Variants in INSYN2B observed in about 807,000 individuals in gnomAD.
INSYN2B encodes the protein inhibitory synaptic factor family member 2B, also known as protein INSYN2B.
INSYN2B carries 16 observed loss-of-function variants against 41.2 expected under a neutral mutation model. The observed-to-expected ratio is 0.39, with a 90% confidence interval of 0.26 to 0.59. INSYN2B has a LOEUF of 0.59. INSYN2B is among the 20% of genes least tolerant of loss of function. INSYN2B has a pLI of 0.57. For synonymous variants in INSYN2B, 245 were observed against 244.4 expected (o/e 1.00, Z -0.02); for missense variants, 608 against 646.4 (o/e 0.94, Z 0.64).
At chr5:169,951,176 G>A (rs1776649950) in intron 1 of INSYN2B, among the ~76,000 whole-genome samples, 1 of 152,198 alleles carries the variant, frequency 6.6e-6, no homozygotes, top group African/African-American at 2.4e-5. Context: ...GTCAGGGCAA[G>A]AGAAAAGGGG....
rs546181182 is a variant in INSYN2B, at chr5:169,872,240, G to A, written c.1422-7781C>T. Among the ~76,000 whole-genome samples the A allele has an allele frequency of 2.3e-3, 355 of 152,318 alleles. 6 individuals carry two copies. The highest frequency in any genetic ancestry group is 6.7e-3 in the African/African-American group (277 of 41,560). ...ACCTCCTGCAACTTTCTCTTTTAAAGAATTAGCTGTAAGAATCAATGGATG... is the reference window on the plus strand; with the variant it reads ...ACCTCCTGCAACTTTCTCTTTTAAAAAATTAGCTGTAAGAATCAATGGATG... On this transcript the variant is annotated intron_variant, in intron 3 of 3. Transcript: ENST00000377365.
At chr5:169,969,569 G>A (rs1777425740) in intron 1 of INSYN2B, among the ~76,000 whole-genome samples, 1 of 152,240 alleles carries the variant, frequency 6.6e-6, no homozygotes, top group Non-Finnish European at 1.5e-5. Flanking sequence ...GGAGAGTGGG[G>A]AGAATTCAGA....
chr5:169,911,469 G>A (rs1370962384), intron 1 of INSYN2B, among the ~76,000 whole-genome samples: 2 of 152,138 alleles, frequency 1.3e-5, no homozygotes, highest in African/African-American at 2.4e-5. Context: ...TCCAGACTGG[G>A]GATGTTTAAT....
chr5:169,904,091 CAAAAA>C (rs57983281), intron 1 of INSYN2B, among the ~76,000 whole-genome samples: 16 of 70,396 alleles, frequency 2.3e-4, no homozygotes, highest in Admixed American at 8.4e-4. Context: ...GACTTCGTCT[CAAAAA>C]AAAAAAAAAA....
chr5:169,966,040 G>C (rs1777284553), intron 1 of INSYN2B, among the ~76,000 whole-genome samples: 1 of 152,218 alleles, frequency 6.6e-6, no homozygotes, highest in Non-Finnish European at 1.5e-5. Context: ...GCCTTCCGAA[G>C]AGCAGGAAGT....
chr5:169,861,717 T>C lies in INSYN2B; in HGVS notation c.*2556A>G, dbSNP rs570394160. On this transcript the variant is annotated 3_prime_UTR_variant, in exon 4 of 4. Transcript: ENST00000377365. ...ATATGTGTGTGTGGTGTTTTAAACATAGAGACGACCATTTTTGTTCATCAG... is the reference window on the plus strand; with the variant it reads ...ATATGTGTGTGTGGTGTTTTAAACACAGAGACGACCATTTTTGTTCATCAG... Among the ~76,000 whole-genome samples the C allele has an allele frequency of 4.6e-5, 7 of 152,290 alleles. No individual in the cohort carries two copies. Among genetic ancestry groups the C allele is most frequent in the Admixed American group, 3.9e-4 (6 of 15,288 alleles).
intron 3 of INSYN2B, among the ~76,000 whole-genome samples, chr5:169,874,331 TAA>T (rs1772176775): frequency 7.1e-6 from 1 of 141,798 alleles, no homozygotes; most frequent in Non-Finnish European, 1.5e-5. Context: ...AAAAATCGCT[TAA>T]ACCTGGGAGG....
rs566980820 is a variant in INSYN2B at position 169,900,952 on chromosome 5, C to T, written c.-918-16136G>A. On this transcript the variant is annotated intron_variant, in intron 1 of 3. Coordinates refer to ENST00000377365, the MANE Select transcript of INSYN2B (RefSeq NM_001129891.3). Reference sequence around the variant, plus strand: ...GAGATACAACTGGTGTACCAAACAGCCAAGGTCCTGTCTATTTTGGAACTT... The same window carrying T: ...GAGATACAACTGGTGTACCAAACAGTCAAGGTCCTGTCTATTTTGGAACTT... 1.5e-3 allele frequency among the ~76,000 whole-genome samples: 223 copies of T among 152,180 alleles called. 1 individual carries two copies. The highest frequency in any genetic ancestry group is 4.9e-3 in the African/African-American group (203 of 41,502).
chr5:169,893,790 G>A (rs1773433796), intron 1 of INSYN2B, among the ~76,000 whole-genome samples: 1 of 152,210 alleles, frequency 6.6e-6, no homozygotes, highest in Non-Finnish European at 1.5e-5. Flanking sequence ...CCACTTCTAA[G>A]TTATTTTTCA....
At chr5:169,874,833 G>A (rs765238172) in intron 3 of INSYN2B, among the ~76,000 whole-genome samples, 53 of 152,064 alleles carry the variant, frequency 3.5e-4, no homozygotes, top group Admixed American at 2.0e-3. Context: ...ATTGCATAAT[G>A]TAAGCCTGGG....
At chr5:169,934,214 G>A (rs750072652) in intron 1 of INSYN2B, among the ~76,000 whole-genome samples, 2 of 152,156 alleles carry the variant, frequency 1.3e-5, no homozygotes, top group South Asian at 2.1e-4. Flanking sequence ...TATTGTTCAC[G>A]TAATAACAGT....
At chr5:169,914,372 A>T (rs1774765346) in intron 1 of INSYN2B, among the ~76,000 whole-genome samples, 1 of 152,216 alleles carries the variant, frequency 6.6e-6, no homozygotes. Flanking sequence ...TCAGAAAAGA[A>T]TACAATACTA....
At chr5:169,910,651 C>A (rs1169326808) in intron 1 of INSYN2B, among the ~76,000 whole-genome samples, 4 of 152,168 alleles carry the variant, frequency 2.6e-5, no homozygotes, top group African/African-American at 9.7e-5. Context: ...GCAGGGGCCA[C>A]GGCAATGAAG....
At chr5:169,930,746 C>G (rs1200595940) in intron 1 of INSYN2B, among the ~76,000 whole-genome samples, 1 of 152,156 alleles carries the variant, frequency 6.6e-6, no homozygotes, top group Admixed American at 6.5e-5. Flanking sequence ...CTTTGAGAGT[C>G]GGGTGGAAGG....
At chr5:169,866,397 G>A (rs1250688226) in intron 3 of INSYN2B, among the ~76,000 whole-genome samples, 1 of 152,226 alleles carries the variant, frequency 6.6e-6, no homozygotes, top group Non-Finnish European at 1.5e-5. Context: ...CCCACTTCCA[G>A]GCTATGGTGT....
At chr5:169,884,885 T>C (rs1772876203) in intron 1 of INSYN2B, 69 bp from the exon 2 acceptor site, 1 of 152,170 alleles carries the variant, frequency 6.6e-6, no homozygotes, top group East Asian at 1.9e-4. Flanking sequence ...CTCTTCAAAT[T>C]CTAACTTCCT....
chr5:169,893,640 G>A (rs1229044344), intron 1 of INSYN2B, among the ~76,000 whole-genome samples: 1 of 152,106 alleles, frequency 6.6e-6, no homozygotes, highest in African/African-American at 2.4e-5. Flanking sequence ...CAGATGGAAG[G>A]GAGAGAGCAG....
chr5:169,923,960 C>G (rs770142156), intron 1 of INSYN2B, among the ~76,000 whole-genome samples: 1 of 152,166 alleles, frequency 6.6e-6, no homozygotes, highest in African/African-American at 2.4e-5. Flanking sequence ...AGAAACATTG[C>G]GGTTGGCAAA....
chr5:169,949,976 C>T (rs1458599857), intron 1 of INSYN2B, among the ~76,000 whole-genome samples: 1 of 152,078 alleles, frequency 6.6e-6, no homozygotes, highest in African/African-American at 2.4e-5. Flanking sequence ...TTCACATTTA[C>T]CAGAAAAACA....
Sources: gnomAD v4.1 joint callset for allele counts (sites outside exome capture counted in the v4.1 genomes callset) on GRCh38, gnomAD v4.1.1 for gene constraint, MANE v1.5 for transcripts, NCBI Gene and HGNC (gene_info 2026-07-23, HGNC 2026-07-21) for gene names.